LRRC1: variants seen among roughly 807,000 people sequenced by gnomAD.
The protein encoded by LRRC1 is leucine rich repeat containing 1.
Under a neutral mutation model 69.9 loss-of-function variants are expected in LRRC1, and 28 were observed. That is an observed-to-expected ratio of 0.40 (90% CI 0.30 to 0.55). The LOEUF (loss-of-function observed/expected upper bound fraction) is 0.55, where lower values mean the gene tolerates loss of function less well. Ranked by LOEUF, LRRC1 falls within the 20% of genes least tolerant of loss-of-function variation. The probability of loss-of-function intolerance (pLI) is 0.47; values close to 1 mark genes in which losing one functional copy is unlikely to be tolerated. For missense variants in LRRC1, 498 were observed against 609.0 expected (o/e 0.82, Z 1.92); for synonymous variants, 236 against 240.2 (o/e 0.98, Z 0.16).
At chr6:53,880,127 A>G (rs890750423) in intron 3 of LRRC1, among the ~76,000 whole-genome samples, 1 of 152,188 alleles carries the variant, frequency 6.6e-6, no homozygotes, top group Non-Finnish European at 1.5e-5. Flanking sequence ...CTTCTTGGGT[A>G]TGGAGTGCTG....
Position 53,923,486 on chromosome 6 carries a change from G to C in LRRC1, c.*693G>C, listed in dbSNP as rs1392036916. The C allele has an allele frequency of 1.3e-5, 2 of 152,576 alleles. No homozygotes were observed. Among genetic ancestry groups the C allele is most frequent in the African/African-American group, 2.4e-5 (1 of 41,432 alleles). The allele number at this position is 152,576 out of a possible 1,614,324, so 9.5% of individuals were successfully genotyped here. A position where few individuals can be genotyped will look rare whatever the true frequency, so the allele number is the denominator to read the frequency against. ...GAATGTGGTGTTTTAAAGCAGTGTT[G>C]CATTTTAATCAGTAATCTACCTGGT... On this transcript the variant is annotated 3_prime_UTR_variant, in exon 14 of 14. Coordinates refer to ENST00000370888, the MANE Select transcript of LRRC1 (RefSeq NM_018214.5).
At chr6:53,881,128 T>C (rs1767277321) in intron 3 of LRRC1, among the ~76,000 whole-genome samples, 3 of 152,212 alleles carry the variant, frequency 2.0e-5, no homozygotes, top group Admixed American at 2.0e-4. Flanking sequence ...GTAAAGCCAT[T>C]TTAATTTGGC....
intron 1 of LRRC1, among the ~76,000 whole-genome samples, chr6:53,818,888 A>G (rs1445160064): frequency 6.6e-6 from 1 of 152,212 alleles, no homozygotes; most frequent in African/African-American, 2.4e-5. Flanking sequence ...AAGGCAGAGC[A>G]TAGGAACTCA....
intron 2 of LRRC1, among the ~76,000 whole-genome samples, chr6:53,858,736 T>C (rs778484728): frequency 6.6e-6 from 1 of 152,188 alleles, no homozygotes; most frequent in Non-Finnish European, 1.5e-5. Context: ...GATGGTGCTG[T>C]GTGACAAGGT....
rs149373222 is a variant in LRRC1 at position 53,814,450 on chromosome 6, G to A, written c.159+19035G>A. Among the ~76,000 whole-genome samples, 526 of 152,266 alleles carry A rather than the reference G, an allele frequency of 3.5e-3. 1 individual carries two copies. The highest frequency in any genetic ancestry group is 6.0e-3 in the Non-Finnish European group (407 of 68,014). ...CCATTATTGGTGTTTGCAAATCTTT[G>A]TTTCTTTGAAGGTATTTACCTTTGA... On this transcript the variant is annotated intron_variant, in intron 1 of 13. Transcript: ENST00000370888.
chr6:53,797,104 G>A (rs1050347554), intron 1 of LRRC1, among the ~76,000 whole-genome samples: 2 of 151,956 alleles, frequency 1.3e-5, no homozygotes, highest in African/African-American at 4.8e-5. Context: ...CCCTTCTGCA[G>A]GGTTTGTGGG....
At chr6:53,915,125 A>G (rs924943049) in intron 11 of LRRC1, among the ~76,000 whole-genome samples, 4 of 152,184 alleles carry the variant, frequency 2.6e-5, no homozygotes, top group South Asian at 2.1e-4. Flanking sequence ...AAAAGGTTCA[A>G]CTGCTTGGGG....
chr6:53,822,164 T>C (rs1033994328), intron 1 of LRRC1, among the ~76,000 whole-genome samples: 3 of 152,146 alleles, frequency 2.0e-5, no homozygotes, highest in Non-Finnish European at 4.4e-5. Flanking sequence ...TACAGATCCT[T>C]GACAAGAAGA....
At chr6:53,799,044 T>C (rs749202842) in intron 1 of LRRC1, among the ~76,000 whole-genome samples, 2 of 152,196 alleles carry the variant, frequency 1.3e-5, no homozygotes, top group Non-Finnish European at 2.9e-5. Context: ...TTTCCTGTAA[T>C]CTCCAGCACC....
intron 2 of LRRC1, among the ~76,000 whole-genome samples, chr6:53,866,449 C>T (rs190868158): frequency 6.6e-6 from 1 of 152,068 alleles, no homozygotes; most frequent in Non-Finnish European, 1.5e-5. Context: ...CACACTGTGG[C>T]GATGGTGGGG....
chr6:53,838,994 G>A (rs890387480), intron 1 of LRRC1, among the ~76,000 whole-genome samples: 18 of 151,898 alleles, frequency 1.2e-4, no homozygotes, highest in African/African-American at 4.1e-4. Context: ...TTAATGTAGT[G>A]TATCAGCAAT....
chr6:53,883,079 A>G, intron 4 of LRRC1, 103 bp downstream of exon 4: 1 of 686,940 alleles, frequency 1.5e-6, no homozygotes, highest in Non-Finnish European at 2.5e-6. Context: ...CTACTCAGAA[A>G]GCCATTTACT....
chr6:53,893,576 GA>G (rs1767771793), intron 4 of LRRC1, among the ~76,000 whole-genome samples: 1 of 152,096 alleles, frequency 6.6e-6, no homozygotes, highest in Non-Finnish European at 1.5e-5. Flanking sequence ...TTTGCTCAAA[GA>G]AAATGCTCAT....
intron 10 of LRRC1, among the ~76,000 whole-genome samples, chr6:53,909,524 T>C (rs200319283): frequency 6.6e-6 from 1 of 152,170 alleles, no homozygotes; most frequent in Non-Finnish European, 1.5e-5. Context: ...TGTGGTAAGA[T>C]TTGATTTTTT....
At chr6:53,859,058 T>C (rs1766411375) in intron 2 of LRRC1, among the ~76,000 whole-genome samples, 1 of 152,182 alleles carries the variant, frequency 6.6e-6, no homozygotes, top group South Asian at 2.1e-4. Context: ...ATCACAAGTA[T>C]AGCAGAAGGA....
In LRRC1 at chr6:53,812,712, A is replaced by AAAAAG. The variant is rs56163538; in HGVS notation, c.159+17299_159+17300insAAGAA. ...CTCAAAAAAAAAAAAAAAAAAAAAA[A>AAAAAG]AATTTGAAGAAAGAGGGGAAGGATG... On this transcript the variant is annotated intron_variant, in intron 1 of 13. Coordinates refer to ENST00000370888, the MANE Select transcript of LRRC1 (RefSeq NM_018214.5). 1.0e-4 allele frequency among the ~76,000 whole-genome samples: 14 copies of AAAAAG among 139,856 alleles called. 1 individual carries two copies. The highest frequency in any genetic ancestry group is 1.4e-4 in the African/African-American group (5 of 36,720). 91.8% of individuals were successfully genotyped at this position (139,856 alleles called of 152,430 possible).
At chr6:53,907,113 G>A (rs151318798) in intron 10 of LRRC1, among the ~76,000 whole-genome samples, 39 of 152,312 alleles carry the variant, frequency 2.6e-4, no homozygotes, top group African/African-American at 9.4e-4. Context: ...AGTGTGGTAG[G>A]CCCTGTGACT....
Position 53,804,706 on chromosome 6 carries a change from T to G in LRRC1, c.159+9291T>G, listed in dbSNP as rs117328033. ...TTTGCAATGATGAGCCATGCTGAAT[T>G]AAAAGTTCTTGTATTTATTACTTTG... On this transcript the variant is annotated intron_variant, in intron 1 of 13. Coordinates refer to ENST00000370888, the MANE Select transcript of LRRC1 (RefSeq NM_018214.5). 4.1e-4 allele frequency among the ~76,000 whole-genome samples: 63 copies of G among 152,372 alleles called. 1 individual carries two copies. The East Asian group carries it at 0.011, about 26-fold the overall frequency.
chr6:53,877,051 T>A (rs1243093394), intron 2 of LRRC1, among the ~76,000 whole-genome samples: 1 of 152,224 alleles, frequency 6.6e-6, no homozygotes, highest in African/African-American at 2.4e-5. Flanking sequence ...TGCCTGGGCA[T>A]CCAGGCATTT....
Sources: allele counts gnomAD v4.1 joint callset (sites outside exome capture counted in the v4.1 genomes callset), GRCh38; gene constraint gnomAD v4.1.1; transcripts MANE v1.5; gene names NCBI Gene and HGNC (gene_info 2026-07-23, HGNC 2026-07-21).